The following LRP1B variants were observed in gnomAD, a reference collection of about 807,000 sequenced individuals.
LRP1B encodes low-density lipoprotein receptor-related protein 1B.
In LRP1B, 217 loss-of-function variants were observed where a neutral mutation model predicts 556.6. The ratio of observed to expected loss-of-function variants is 0.39; its 90% CI spans 0.35 to 0.44. LRP1B has a LOEUF of 0.44. LRP1B is among the 20% of genes least tolerant of loss of function. The pLI, the probability that LRP1B is intolerant of heterozygous loss-of-function variation, is 1.00. For synonymous variants in LRP1B, 2,047 were observed against 1,865.8 expected, an observed-to-expected ratio of 1.10 and a Z score of -2.50; for missense variants, 5,053 against 5,620.8, an observed-to-expected ratio of 0.90 and a Z score of 3.23.
intron 3 of LRP1B, among the ~76,000 whole-genome samples, chr2:141,453,425 C>T (rs1213430515): frequency 6.6e-6 from 1 of 152,072 alleles, no homozygotes. Context: ...AATTAGTTTC[C>T]ATGAGTCTTC....
At chr2:141,027,489 T>C (rs1698247779) in intron 11 of LRP1B, among the ~76,000 whole-genome samples, 1 of 151,908 alleles carries the variant, frequency 6.6e-6, no homozygotes, top group African/African-American at 2.4e-5. Flanking sequence ...TGAAGGGAAG[T>C]GAAATATTAA....
At chr2:141,140,302 C>T (rs1701614866) in intron 7 of LRP1B, among the ~76,000 whole-genome samples, 1 of 151,970 alleles carries the variant, frequency 6.6e-6, no homozygotes, top group Admixed American at 6.6e-5. Flanking sequence ...AACCGTGTCG[C>T]TTATTGAACG....
chr2:141,581,404 C>CT (rs1202263557), intron 2 of LRP1B, among the ~76,000 whole-genome samples: 6 of 152,078 alleles, frequency 3.9e-5, no homozygotes, highest in Non-Finnish European at 7.4e-5. Flanking sequence ...TTGATTACAT[C>CT]TTTTATTTTT....
intron 1 of LRP1B, among the ~76,000 whole-genome samples, chr2:141,968,049 C>T (rs1701611517): frequency 6.6e-6 from 1 of 151,756 alleles, no homozygotes; most frequent in African/African-American, 2.4e-5. Context: ...GATTATAATG[C>T]ATCAGACATA....
intron 43 of LRP1B, among the ~76,000 whole-genome samples, chr2:140,564,881 A>G (rs1200655659): frequency 6.6e-6 from 1 of 152,134 alleles, no homozygotes; most frequent in African/African-American, 2.4e-5. Context: ...GCATTTCAGC[A>G]TAACTTAAAG....
At chr2:140,323,784 A>G in intron 81 of LRP1B, 109 bp downstream of exon 81, 1 of 497,126 alleles carries the variant, frequency 2.0e-6, no homozygotes. Flanking sequence ...TACTTAAGTT[A>G]CTGAGGTTAA....
intron 22 of LRP1B, among the ~76,000 whole-genome samples, chr2:140,907,578 A>G (rs1215951322): frequency 5.3e-5 from 8 of 152,158 alleles, no homozygotes; most frequent in Non-Finnish European, 1.0e-4. Flanking sequence ...ACAAATAATC[A>G]GTTCAACTGC....
rs777522550 is a variant in LRP1B at position 140,510,022 on chromosome 2, G to A, written c.8304C>T (p.Cys2768=). The A allele has an allele frequency of 8.1e-6, 13 of 1,613,776 alleles. No individual in the cohort carries two copies. The African/African-American group carries it at 1.5e-4, about 18-fold the overall frequency. ...AITCAADMFS[C]QGSRACVPRH... ...GGGGCACGCAGGCACGAGAGCCCTG[G>A]CAGCTGAACATGTCAGCAGCACAGG... Residue 2768 remains cysteine (C), a synonymous_variant, in exon 52 of 91, where the codon TGC becomes TGT. Transcript: ENST00000389484.
At chr2:140,716,899 G>A (rs2105465296) in intron 35 of LRP1B, 83 bp from the exon 36 acceptor site, 1 of 656,492 alleles carries the variant, frequency 1.5e-6, no homozygotes. Flanking sequence ...TATTGCAACA[G>A]TATCTTTTAG....
intron 7 of LRP1B, among the ~76,000 whole-genome samples, chr2:141,079,584 T>A (rs1699874312): frequency 6.6e-6 from 1 of 152,224 alleles, no homozygotes; most frequent in African/African-American, 2.4e-5. Context: ...AGCCTTAATC[T>A]TTAGTTTCCT....
chr2:140,787,859 A>G (rs1002652675), intron 32 of LRP1B, among the ~76,000 whole-genome samples: 1 of 152,072 alleles, frequency 6.6e-6, no homozygotes, highest in Non-Finnish European at 1.5e-5. Context: ...ACAGGTGTGG[A>G]GCCACCACAC....
intron 3 of LRP1B, among the ~76,000 whole-genome samples, chr2:141,272,511 C>T (rs746547490): frequency 7.2e-5 from 11 of 151,924 alleles, no homozygotes; most frequent in Non-Finnish European, 8.8e-5. Flanking sequence ...ACACGAAATC[C>T]AAAGTCAGAA....
At chr2:141,810,867 A>G (rs1167101372) in intron 1 of LRP1B, among the ~76,000 whole-genome samples, 1 of 152,028 alleles carries the variant, frequency 6.6e-6, no homozygotes, top group Non-Finnish European at 1.5e-5. Flanking sequence ...TTAACCATCC[A>G]TCCTGATACT....
chr2:140,511,246 T>C (rs935710889), intron 51 of LRP1B, among the ~76,000 whole-genome samples: 11 of 149,982 alleles, frequency 7.3e-5, no homozygotes, highest in Non-Finnish European at 1.3e-4. Flanking sequence ...AGTAATGTTT[T>C]CAATATGGTA....
chr2:140,972,596 G>A (rs555427725), intron 18 of LRP1B, among the ~76,000 whole-genome samples: 4 of 151,404 alleles, frequency 2.6e-5, no homozygotes, highest in South Asian at 2.1e-4. Context: ...TAGGAAACAT[G>A]GGAAAAATGG....
intron 77 of LRP1B, among the ~76,000 whole-genome samples, chr2:140,339,564 T>C (rs1251006566): frequency 6.6e-6 from 1 of 151,696 alleles, no homozygotes; most frequent in Non-Finnish European, 1.5e-5. Flanking sequence ...AGAACCACTG[T>C]CAAGAAATTG....
chr2:140,690,258 C>T (rs1686190950), intron 41 of LRP1B, among the ~76,000 whole-genome samples: 1 of 152,062 alleles, frequency 6.6e-6, no homozygotes, highest in African/African-American at 2.4e-5. Context: ...CCATAATTTA[C>T]AGCCTGTACA....
At chr2:141,721,103 A>G (rs10496892) in intron 2 of LRP1B, among the ~76,000 whole-genome samples, 91,992 of 151,848 alleles carry the variant, frequency 0.61, 28,344 homozygotes, top group East Asian at 0.92. Flanking sequence ...GCATTGAGAT[A>G]TACCCAATAG....
chr2:141,131,431 T>TATATATATATATATATATATA (rs1701353649), intron 7 of LRP1B, among the ~76,000 whole-genome samples: 1 of 30,626 alleles, frequency 3.3e-5, no homozygotes, highest in Non-Finnish European at 6.9e-5. Context: ...ATATATATAT[T>TATATATATATATATATATATA]TGCTCTTAGA....
Sources: gnomAD v4.1 joint callset for allele counts (sites outside exome capture counted in the v4.1 genomes callset) on GRCh38, gnomAD v4.1.1 for gene constraint, MANE v1.5 for transcripts, NCBI Gene and HGNC (gene_info 2026-07-23, HGNC 2026-07-21) for gene names.